The following YY1AP1 variants were observed in gnomAD, a reference collection of about 807,000 sequenced individuals.
YY1AP1 encodes YY1 associated protein 1.
Under a neutral mutation model 39.9 loss-of-function variants are expected in YY1AP1, and 43 were observed. The ratio of observed to expected loss-of-function variants is 1.08; its 90% CI spans 0.84 to 1.39. YY1AP1 has a LOEUF of 1.39. YY1AP1 is among the 40% of genes most tolerant of loss of function. YY1AP1 has a pLI of 0.00. For missense variants in YY1AP1, 813 were observed against 900.7 expected (o/e 0.90, Z 1.25); for synonymous variants, 292 against 331.3 (o/e 0.88, Z 1.29).
chr1:155,665,286 TA>T (rs1558301937), intron 9 of YY1AP1, among the ~76,000 whole-genome samples: 1 of 150,728 alleles, frequency 6.6e-6, no homozygotes, highest in Non-Finnish European at 1.5e-5. Flanking sequence ...AAATTTTTTT[TA>T]AAAAAAAGCT....
At chr1:155,679,330 G>A in intron 4 of YY1AP1, 79 bp downstream of exon 4, 1 of 1,599,530 alleles carries the variant, frequency 6.3e-7, no homozygotes, top group Non-Finnish European at 8.5e-7. Context: ...ATGAAAAATT[G>A]TTAACTGCAA....
chr1:155,684,986 C>T (rs1652021634), intron 2 of YY1AP1, among the ~76,000 whole-genome samples: 1 of 152,150 alleles, frequency 6.6e-6, no homozygotes, highest in Non-Finnish European at 1.5e-5. Context: ...ATCAGGAGGG[C>T]TTTCTACATG....
chr1:155,686,928 T>A (rs569495474), intron 2 of YY1AP1, among the ~76,000 whole-genome samples: 2 of 151,864 alleles, frequency 1.3e-5, no homozygotes, highest in East Asian at 3.9e-4. Context: ...TGAGGCACCA[T>A]GGTATGCTGA....
At chr1:155,687,842 C>T (rs1477486421) in intron 2 of YY1AP1, 12 of 492,294 alleles carry the variant, frequency 2.4e-5, no homozygotes, top group Admixed American at 7.3e-5. Context: ...CACTCGCTTA[C>T]TTCCCAGCCC....
At chr1:155,686,390 C>T (rs1343253442) in intron 2 of YY1AP1, among the ~76,000 whole-genome samples, 1 of 152,014 alleles carries the variant, frequency 6.6e-6, no homozygotes, top group Non-Finnish European at 1.5e-5. Flanking sequence ...TTCAGCCCAG[C>T]CAAGAAGTTC....
intron 9 of YY1AP1, among the ~76,000 whole-genome samples, chr1:155,664,077 T>A (rs1229959206): frequency 6.8e-6 from 1 of 147,180 alleles, no homozygotes; most frequent in Non-Finnish European, 1.5e-5. Flanking sequence ...CAGTGAGCCA[T>A]GATTTAGCCA....
At chr1:155,688,274 G>T in intron 1 of YY1AP1, 73 bp from the exon 2 acceptor site, 1 of 1,592,192 alleles carries the variant, frequency 6.3e-7, no homozygotes, top group Non-Finnish European at 8.5e-7. Flanking sequence ...GGCGGATCCC[G>T]CAACCGACAC....
intron 4 of YY1AP1, among the ~76,000 whole-genome samples, chr1:155,678,048 G>T (rs891655051): frequency 6.6e-6 from 1 of 152,164 alleles, no homozygotes; most frequent in Non-Finnish European, 1.5e-5. Flanking sequence ...ACAGTCATGC[G>T]CCACAGAATG....
At position 155,674,876 on chromosome 1, in the gene YY1AP1, A is replaced by G. The variant is rs539555467; in HGVS notation, c.411+134T>C. 198 of 712,744 alleles carry G rather than the reference A, an allele frequency of 2.8e-4. 2 individuals carry two copies. In the African/African-American group the frequency reaches 3.3e-3, roughly 12 times the overall value. 44.2% of individuals were successfully genotyped at this position (712,744 alleles called of 1,614,324 possible). On this transcript the variant is annotated intron_variant, in intron 6 of 10. Coordinates refer to ENST00000355499, the MANE Select transcript of YY1AP1 (RefSeq NM_139119.3). ...CACTCTTTGTCCTTTCATGTGAATC[A>G]GTGGCTTATGTTCACTCAGCAAACA...
chr1:155,688,838 G>A (rs1558324896), upstream of YY1AP1: 4 of 1,586,280 alleles, frequency 2.5e-6, no homozygotes, highest in Middle Eastern at 1.7e-4. Context: ...GGCGGCTGCA[G>A]GGGCAGGAGA....
chr1:155,688,685 T>A lies in YY1AP1; in HGVS notation c.-178A>T. 7.2e-6 allele frequency: 11 copies of A among 1,529,216 alleles called. 1 individual carries two copies. The South Asian group carries it at 9.6e-5, about 13-fold the overall frequency. 94.7% of individuals were successfully genotyped at this position (1,529,216 alleles called of 1,614,324 possible). On this transcript the variant is annotated 5_prime_UTR_variant, in exon 1 of 11. Transcript: ENST00000355499. ...TTCAGCGGCGCGAGCCCAAGCCTTCTCCACCTCCTCTTCTCTCCTCCCCCT... is the reference window on the plus strand; with the variant it reads ...TTCAGCGGCGCGAGCCCAAGCCTTCACCACCTCCTCTTCTCTCCTCCCCCT...
At chr1:155,663,861 G>C (rs1193098627) in intron 9 of YY1AP1, among the ~76,000 whole-genome samples, 1 of 152,076 alleles carries the variant, frequency 6.6e-6, no homozygotes, top group Non-Finnish European at 1.5e-5. Flanking sequence ...CAGAGGTTGA[G>C]AAAAACAGGT....
rs1489375177 is a variant in YY1AP1, at chr1:155,688,105, A to G, written c.-55T>C. 6.2e-7 allele frequency: 1 copy of G among 1,609,204 alleles called. No homozygotes were observed. Among genetic ancestry groups the G allele is most frequent in the Admixed American group, 1.7e-5 (1 of 59,696 alleles). ...GGCCGAGAGCGATGAGAGTACAGGGAAGTGAGGAAGAGGGGGTGGCCGCCA... is the reference window on the plus strand; with the variant it reads ...GGCCGAGAGCGATGAGAGTACAGGGGAGTGAGGAAGAGGGGGTGGCCGCCA... On this transcript the variant is annotated 5_prime_UTR_variant, in exon 2 of 11. Transcript: ENST00000355499.
chr1:155,668,668 T>G lies in YY1AP1; in HGVS notation c.838A>C (p.Lys280Gln), dbSNP rs1422622381. The change falls in exon 9 of 11, where the codon AAG becomes CAG. Residue 280 changes from lysine (K) to glutamine (Q), a missense_variant. Coordinates refer to ENST00000355499, the MANE Select transcript of YY1AP1 (RefSeq NM_139119.3). ...KTARQLTVRI[K>Q]NLNMNRAPDN... ...GGAGCTCTGTTCATGTTGAGGTTCT[T>G]GATTCTCACTGTCAGTTGGCGGGCA... The G allele has an allele frequency of 6.2e-7, 1 of 1,614,064 alleles. No individual in the cohort carries two copies. Among genetic ancestry groups the G allele is most frequent in the African/African-American group, 1.3e-5 (1 of 74,924 alleles).
intron 9 of YY1AP1, among the ~76,000 whole-genome samples, chr1:155,661,644 G>T (rs183800492): frequency 6.6e-6 from 1 of 152,002 alleles, no homozygotes; most frequent in African/African-American, 2.4e-5. Flanking sequence ...TCTATTTAAA[G>T]ATTTTATAGT....
intron 5 of YY1AP1, 152 bp downstream of exon 5, chr1:155,676,396 A>C: frequency 3.4e-6 from 3 of 874,628 alleles, no homozygotes; most frequent in African/African-American, 1.7e-5. Context: ...TGACTTCTCA[A>C]GCTCCTAACT....
Position 155,660,837 on chromosome 1 carries a change from G to A in YY1AP1, c.1073C>T (p.Thr358Ile). 6.2e-7 allele frequency: 1 copy of A among 1,614,200 alleles called. No homozygotes were observed. Among genetic ancestry groups the A allele is most frequent in the Non-Finnish European group, 8.5e-7 (1 of 1,180,040 alleles). ...GAREVGNMTG[T>I]TEINSDQGLE... ...GCCTTGATCTGAGTTGATCTCAGTG[G>A]TTCCAGTCATATTTCCTACCTCTCT... The change falls in exon 11 of 11, where the codon ACC (threonine) becomes ATC (isoleucine). Residue 358 changes from threonine (T) to isoleucine (I), a missense_variant. Thr to Ile is a moderately conservative substitution (Grantham distance 89, BLOSUM62 -1). Transcript: ENST00000355499.
At chr1:155,666,260 T>G (rs1648992289) in intron 9 of YY1AP1, among the ~76,000 whole-genome samples, 1 of 152,122 alleles carries the variant, frequency 6.6e-6, no homozygotes, top group Non-Finnish European at 1.5e-5. Flanking sequence ...TAGCTGGGAC[T>G]ACAGGCGCCC....
intron 9 of YY1AP1, among the ~76,000 whole-genome samples, chr1:155,663,017 C>T (rs1207665319): frequency 2.0e-5 from 3 of 151,070 alleles, no homozygotes; most frequent in African/African-American, 7.3e-5. Context: ...ACACCCCGCC[C>T]CATCCCCCAA....
Sources: gnomAD v4.1 joint callset for allele counts (sites outside exome capture counted in the v4.1 genomes callset) on GRCh38, gnomAD v4.1.1 for gene constraint, MANE v1.5 for transcripts, NCBI Gene and HGNC (gene_info 2026-07-23, HGNC 2026-07-21) for gene names.